The following GXYLT2 variants were observed in gnomAD, a reference collection of about 807,000 sequenced individuals.
GXYLT2 encodes the protein glucoside xylosyltransferase 2.
Under a neutral mutation model 45.8 loss-of-function variants are expected in GXYLT2, and 53 were observed. The ratio of observed to expected loss-of-function variants is 1.16; its 90% confidence interval spans 0.93 to 1.46. The LOEUF is 1.46. GXYLT2 is among the 40% of genes most tolerant of loss of function. The probability of loss-of-function intolerance (pLI) is 0.00; values close to 1 mark genes in which losing one functional copy is unlikely to be tolerated. For missense variants in GXYLT2, 551 were observed against 544.4 expected (o/e 1.01, Z -0.12); for synonymous variants, 219 against 214.2 (o/e 1.02, Z -0.19).
intron 2 of GXYLT2, among the ~76,000 whole-genome samples, chr3:72,914,301 G>A (rs545188332): frequency 8.7e-4 from 132 of 151,890 alleles, no homozygotes; most frequent in African/African-American, 3.1e-3. Flanking sequence ...ATTTATTTTC[G>A]TCATCTCCCA....
chr3:72,939,191 A>T (rs1248561846), intron 3 of GXYLT2, among the ~76,000 whole-genome samples: 3 of 152,226 alleles, frequency 2.0e-5, no homozygotes, highest in Non-Finnish European at 4.4e-5. Context: ...AAGAATGCAT[A>T]TTTATTTTAT....
rs570208150 is a variant in GXYLT2 at position 72,896,837 on chromosome 3, G to A, written c.275+8329G>A. ...TGCACTCCAGCCTGAGTGACAGAGT[G>A]AGACCTTGTCTCACATTAAAAAAAA... is the stretch of plus-strand genomic sequence containing the variant. On this transcript the variant is annotated intron_variant, in intron 1 of 6. Transcript: ENST00000389617. 4.0e-5 allele frequency among the ~76,000 whole-genome samples: 6 copies of A among 150,180 alleles called. No homozygotes were observed. In the East Asian group the frequency reaches 1.2e-3, roughly 29 times the overall value.
At chr3:72,902,390 GA>G (rs1349898022) in intron 1 of GXYLT2, among the ~76,000 whole-genome samples, 1 of 152,160 alleles carries the variant, frequency 6.6e-6, no homozygotes, top group African/African-American at 2.4e-5. Context: ...AATTGTCAGT[GA>G]TAACATAAAT....
intron 5 of GXYLT2, among the ~76,000 whole-genome samples, chr3:72,960,158 A>G (rs75899917): frequency 6.6e-6 from 1 of 152,156 alleles, no homozygotes; most frequent in South Asian, 2.1e-4. Flanking sequence ...ATGCCCAGGT[A>G]ATTTTTTGAT....
In GXYLT2 at chr3:72,888,157, T is replaced by G; in HGVS notation, c.-77T>G. 2.1e-6 allele frequency: 2 copies of G among 940,762 alleles called. No individual in the cohort carries two copies. The highest frequency in any genetic ancestry group is 2.5e-6 in the Non-Finnish European group (2 of 791,710). 58.3% of individuals were successfully genotyped at this position (940,762 alleles called of 1,614,324 possible). ...GGAGGAGGCGACCGCCGCGCGCTGC[T>G]GCACTCATCCTGCCGCCGCCGCGAT... On this transcript the variant is annotated 5_prime_UTR_variant, in exon 1 of 7. Transcript: ENST00000389617.
chr3:72,924,347 C>T (rs1021533240), intron 3 of GXYLT2, among the ~76,000 whole-genome samples: 2 of 152,054 alleles, frequency 1.3e-5, no homozygotes, highest in Non-Finnish European at 2.9e-5. Flanking sequence ...GTGTGAGCCA[C>T]CATGCTTAGC....
Position 72,889,903 on chromosome 3 carries a change from T to G in GXYLT2, c.275+1395T>G, listed in dbSNP as rs531247416. ...ACCGCTGTTTTTCTTTTGGTTTTTT[T>G]TTTGTTTTTTTTTTTTTTTTGTGAC... is the stretch of plus-strand genomic sequence containing the variant. On this transcript the variant is annotated intron_variant, in intron 1 of 6. Transcript: ENST00000389617. Among the ~76,000 whole-genome samples, 296 of 137,846 alleles carry G rather than the reference T, an allele frequency of 2.1e-3. 4 individuals are homozygous for G. The South Asian group carries it at 0.027, about 13-fold the overall frequency. 90.4% of individuals were successfully genotyped at this position (137,846 alleles called of 152,430 possible). A position where few individuals can be genotyped will look rare whatever the true frequency, so the allele number is the denominator to read the frequency against.
chr3:72,960,306 G>A (rs547782056), intron 5 of GXYLT2, among the ~76,000 whole-genome samples: 3 of 152,242 alleles, frequency 2.0e-5, no homozygotes, highest in African/African-American at 7.2e-5. Flanking sequence ...CCCAAATTGA[G>A]GAATCCAAAA....
chr3:72,946,489 G>A (rs532524551), intron 3 of GXYLT2, among the ~76,000 whole-genome samples: 2 of 152,076 alleles, frequency 1.3e-5, no homozygotes, highest in South Asian at 2.1e-4. Flanking sequence ...TTTACTTCTC[G>A]GTTCCAGAGG....
intron 6 of GXYLT2, among the ~76,000 whole-genome samples, chr3:72,969,006 G>T (rs150318541): frequency 1.6e-4 from 25 of 152,190 alleles, no homozygotes; most frequent in African/African-American, 6.0e-4. Flanking sequence ...AGGAGGCGGA[G>T]CTTGCAGGGA....
At chr3:72,891,156 G>C (rs1403062684) in intron 1 of GXYLT2, among the ~76,000 whole-genome samples, 3 of 152,212 alleles carry the variant, frequency 2.0e-5, no homozygotes, top group East Asian at 3.9e-4. Context: ...GAAAACGAGT[G>C]CTTTAATCTC....
chr3:72,934,082 T>A (rs1167868014), intron 3 of GXYLT2, among the ~76,000 whole-genome samples: 85 of 13,620 alleles, frequency 6.2e-3, no homozygotes, highest in Non-Finnish European at 0.011. Context: ...ATTTTATTCT[T>A]TTTTTTTTTT....
chr3:72,948,833 CT>C (rs1710460751), intron 3 of GXYLT2, among the ~76,000 whole-genome samples: 1 of 117,774 alleles, frequency 8.5e-6, no homozygotes, highest in Non-Finnish European at 1.6e-5. Flanking sequence ...AAGATTCTGT[CT>C]CAAAAAAAAA....
intron 1 of GXYLT2, among the ~76,000 whole-genome samples, chr3:72,897,738 T>C (rs1187774215): frequency 2.0e-5 from 3 of 152,204 alleles, no homozygotes; most frequent in Admixed American, 6.5e-5. Flanking sequence ...TTAAAGCACT[T>C]GCCCAAGATA....
At chr3:72,899,838 G>T (rs1709367880) in intron 1 of GXYLT2, among the ~76,000 whole-genome samples, 1 of 152,104 alleles carries the variant, frequency 6.6e-6, no homozygotes, top group Non-Finnish European at 1.5e-5. Context: ...CTTCCCATAA[G>T]GTGAGGGTAT....
chr3:72,888,344 G>GCGCCCCGCGTC lies in GXYLT2; in HGVS notation c.120_130dup (p.Gln44ArgfsTer110), dbSNP rs1454736490. ...GCGCTGAGCCCCCAGCGCTGCCCGCGCGCCCCGCGTCCGCCCCGCAGCGCC... is the reference window on the plus strand; with the variant it reads ...GCGCTGAGCCCCCAGCGCTGCCCGCGCGCCCCGCGTCCGCCCCGCGTCCGCCCCGCAGCGCC... On this transcript the variant is annotated frameshift_variant, in exon 1 of 7. Transcript: ENST00000389617. LOFTEE classifies it high-confidence loss of function. 2 of 983,354 alleles carry GCGCCCCGCGTC rather than the reference G, an allele frequency of 2.0e-6. No individual in the cohort carries two copies. Among genetic ancestry groups the GCGCCCCGCGTC allele is most frequent in the African/African-American group, 1.8e-5 (1 of 56,540 alleles). The allele number at this position is 983,354 out of a possible 1,614,324, so 60.9% of individuals were successfully genotyped here.
At chr3:72,949,460 C>G (rs1443597345) in intron 3 of GXYLT2, among the ~76,000 whole-genome samples, 2 of 150,224 alleles carry the variant, frequency 1.3e-5, no homozygotes, top group African/African-American at 4.9e-5. Flanking sequence ...CCCATTAAAG[C>G]TCCTGTGAAC....
At chr3:72,923,563 A>G (rs965336346) in intron 3 of GXYLT2, among the ~76,000 whole-genome samples, 4 of 152,218 alleles carry the variant, frequency 2.6e-5, no homozygotes, top group Non-Finnish European at 5.9e-5. Flanking sequence ...TGAGGGATTC[A>G]TGCCTTCAGT....
Position 72,919,490 on chromosome 3 carries a change from C to T in GXYLT2, c.469-2714C>T, listed in dbSNP as rs183003661. On this transcript the variant is annotated intron_variant, in intron 2 of 6. Transcript: ENST00000389617. ...CAGTAATGGGCTGGGCACGGTGGCT[C>T]ACGCCTGTAATCCCAACACTTTGGG... 2.9e-4 allele frequency among the ~76,000 whole-genome samples: 44 copies of T among 152,328 alleles called. No individual in the cohort carries two copies. In the East Asian group the frequency reaches 8.1e-3, roughly 28 times the overall value.
Sources: gnomAD v4.1 joint callset for allele counts (sites outside exome capture counted in the v4.1 genomes callset) on GRCh38, gnomAD v4.1.1 for gene constraint, MANE v1.5 for transcripts, NCBI Gene and HGNC (gene_info 2026-07-23, HGNC 2026-07-21) for gene names.